DYSF: variants seen among roughly 807,000 people sequenced by gnomAD.
DYSF encodes dystrophy-associated fer-1-like 1.
DYSF carries 212 observed loss-of-function variants against 274.9 expected under a neutral mutation model. That is an observed-to-expected ratio of 0.77 (90% CI 0.69 to 0.86). The LOEUF (loss-of-function observed/expected upper bound fraction) is 0.86, where lower values mean the gene tolerates loss of function less well. DYSF is among the 40% of genes least tolerant of loss of function. DYSF has a pLI of 0.00. For synonymous variants in DYSF, 1,091 were observed against 1,078.7 expected (o/e 1.01, Z -0.22); for missense variants, 2,666 against 2,783.2 (o/e 0.96, Z 0.95).
intron 45 of DYSF, 126 bp from the exon 46 acceptor site, chr2:71,664,142 C>A: frequency 8.4e-7 from 1 of 1,197,512 alleles, no homozygotes; most frequent in Non-Finnish European, 1.2e-6. Context: ...GGTGGTTGGG[C>A]CTGTAAGATC....
Position 71,513,940 on chromosome 2 carries a change from C to G in DYSF, c.759+19C>G. 6.2e-7 allele frequency: 1 copy of G among 1,613,998 alleles called. No homozygotes were observed. The highest frequency in any genetic ancestry group is 1.1e-5 in the South Asian group (1 of 91,030). On this transcript the variant is annotated intron_variant, in intron 7 of 55. Transcript: ENST00000410020. ...TTTCCAGGTGATGAACGGGCTTTCTCTGACCCCAGGCTCCTCTTCAGCCAT... is the reference window on the plus strand; with the variant it reads ...TTTCCAGGTGATGAACGGGCTTTCTGTGACCCCAGGCTCCTCTTCAGCCAT...
chr2:71,588,217 C>T (rs1044142017), intron 30 of DYSF, among the ~76,000 whole-genome samples: 1 of 152,112 alleles, frequency 6.6e-6, no homozygotes, highest in African/African-American at 2.4e-5. Flanking sequence ...GGGCGGGTCA[C>T]TGGGGGTCTG....
rs1401374393 is a variant in DYSF at position 71,516,992 on chromosome 2, G to A, written c.955G>A (p.Val319Ile). The A allele has an allele frequency of 1.9e-6, 3 of 1,614,162 alleles. No individual in the cohort carries two copies. Among genetic ancestry groups the A allele is most frequent in the Non-Finnish European group, 2.5e-6 (3 of 1,180,022 alleles). The change falls in exon 10 of 56, where the codon GTA becomes ATA. Residue 319 changes from valine (V) to isoleucine (I), a missense_variant. Physicochemically the swap from Val to Ile is conservative, Grantham distance 29 (BLOSUM62 3). Transcript: ENST00000410020. ...TTTCCATGATCTTTCTCTGCAGGTG[G>A]TAGACTCTCGTTCTCTCAGGACAGA... ...LFDEPIFITV[V>I]DSRSLRTDAL...
chr2:71,570,789 G>A (rs761120781), intron 29 of DYSF, 48 bp downstream of exon 29: 3 of 1,610,182 alleles, frequency 1.9e-6, no homozygotes, highest in African/African-American at 1.3e-5. Flanking sequence ...GTCACAGGTG[G>A]CCAGTAGGCA....
At chr2:71,595,390 G>A (rs1290228734) in intron 32 of DYSF, among the ~76,000 whole-genome samples, 3 of 152,188 alleles carry the variant, frequency 2.0e-5, no homozygotes, top group African/African-American at 7.2e-5. Context: ...GAGTCAGGGG[G>A]TCTAGTACAT....
intron 17 of DYSF, 112 bp from the exon 18 acceptor site, chr2:71,550,929 C>T: frequency 2.4e-6 from 2 of 836,660 alleles, no homozygotes; most frequent in East Asian, 2.5e-5. Context: ...GCATCTGGTG[C>T]ATGTGGGGGG....
intron 30 of DYSF, among the ~76,000 whole-genome samples, chr2:71,582,106 CAAAAAAAAAAAAAAA>C (rs1159294834): frequency 2.8e-5 from 1 of 35,118 alleles, no homozygotes; most frequent in East Asian, 8.4e-4. Context: ...GACTCCGTCT[CAAAAAAAAAAAAAAA>C]AAAAAAAAAA....
At chr2:71,455,863 C>T (rs1441363143) in intron 1 of DYSF, among the ~76,000 whole-genome samples, 2 of 152,158 alleles carry the variant, frequency 1.3e-5, no homozygotes, top group African/African-American at 4.8e-5. Context: ...ACCACATGCC[C>T]CCTCTGCACC....
At chr2:71,611,372 G>A in intron 37 of DYSF, 26 bp downstream of exon 37, 1 of 1,613,882 alleles carries the variant, frequency 6.2e-7, no homozygotes. Context: ...CTGGGCGTGG[G>A]GGCTGGGAGC....
intron 31 of DYSF, among the ~76,000 whole-genome samples, chr2:71,589,924 C>T (rs2093205672): frequency 6.6e-6 from 1 of 152,150 alleles, no homozygotes; most frequent in Admixed American, 6.5e-5. Context: ...ATTTAAGGCC[C>T]TGCGCTCTGT....
At chr2:71,565,246 C>CTTTTTTTTTT (rs796705736) in intron 24 of DYSF, among the ~76,000 whole-genome samples, 10 of 131,328 alleles carry the variant, frequency 7.6e-5, no homozygotes, top group Non-Finnish European at 9.7e-5. Context: ...CCACCCAGCT[C>CTTTTTTTTTT]TTTTTTTTTT....
intron 45 of DYSF, among the ~76,000 whole-genome samples, chr2:71,662,125 G>C (rs2094892134): frequency 6.6e-6 from 1 of 152,218 alleles, no homozygotes; most frequent in African/African-American, 2.4e-5. Flanking sequence ...AAGCTGGTCT[G>C]CCTGGTGCTT....
chr2:71,538,444 G>A (rs769246727), intron 16 of DYSF, among the ~76,000 whole-genome samples: 4 of 152,192 alleles, frequency 2.6e-5, no homozygotes, highest in African/African-American at 7.2e-5. Context: ...CCATGCAGGA[G>A]CAATGTTCCA....
At chr2:71,454,194 T>C (rs542800278) in intron 1 of DYSF, 196 of 1,133,434 alleles carry the variant, frequency 1.7e-4, no homozygotes, top group Non-Finnish European at 2.4e-4. Flanking sequence ...GGAGACTTTC[T>C]GGCCCCGCCA....
intron 3 of DYSF, among the ~76,000 whole-genome samples, chr2:71,490,536 A>G (rs2083760932): frequency 6.6e-6 from 1 of 152,196 alleles, no homozygotes; most frequent in Non-Finnish European, 1.5e-5. Context: ...CATGTTGGCC[A>G]GGCTGGTCTT....
intron 52 of DYSF, 119 bp downstream of exon 52, chr2:71,674,415 C>G (rs2095184721): frequency 1.0e-6 from 1 of 965,534 alleles, no homozygotes; most frequent in Non-Finnish European, 1.6e-6. Flanking sequence ...ATCCCACTTT[C>G]TGCTTTCAGG....
At chr2:71,499,376 G>A (rs1051132413) in intron 3 of DYSF, among the ~76,000 whole-genome samples, 19 of 152,254 alleles carry the variant, frequency 1.2e-4, no homozygotes, top group African/African-American at 3.9e-4. Flanking sequence ...TTTACCTGTC[G>A]TCTATGATGG....
chr2:71,505,816 C>T (rs2085418195), intron 4 of DYSF, among the ~76,000 whole-genome samples: 1 of 152,218 alleles, frequency 6.6e-6, no homozygotes, highest in Non-Finnish European at 1.5e-5. Context: ...TCGGCATCAC[C>T]CGGGCCTTAA....
chr2:71,520,738 A>G (rs775440691), intron 11 of DYSF, 51 bp from the exon 12 acceptor site: 1 of 1,564,442 alleles, frequency 6.4e-7, no homozygotes, highest in East Asian at 2.2e-5. Flanking sequence ...ATGTGGCCAC[A>G]GCCTGGGGTC....
Sources: gnomAD v4.1 joint callset for allele counts (sites outside exome capture counted in the v4.1 genomes callset) on GRCh38, gnomAD v4.1.1 for gene constraint, MANE v1.5 for transcripts, NCBI Gene and HGNC (gene_info 2026-07-23, HGNC 2026-07-21) for gene names.